PDE12: variants seen among roughly 807,000 people sequenced by gnomAD.
PDE12 encodes phosphodiesterase 12, also known as 2',5'-phosphodiesterase 12.
In PDE12, 26 loss-of-function variants were observed where a neutral mutation model predicts 45.4. That is an observed-to-expected ratio of 0.57 (90% CI 0.42 to 0.79). The LOEUF (loss-of-function observed/expected upper bound fraction) is 0.79, where lower values mean the gene tolerates loss of function less well. PDE12 is among the 30% of genes least tolerant of loss of function. The probability of loss-of-function intolerance (pLI) is 0.00; values close to 1 mark genes in which losing one functional copy is unlikely to be tolerated. For missense variants in PDE12, 668 were observed against 790.0 expected (o/e 0.85, Z 1.85); for synonymous variants, 283 against 323.9 (o/e 0.87, Z 1.36).
chr3:57,579,861 G>A, the PDE12 span, among the ~76,000 whole-genome samples: 1 of 152,066 alleles, frequency 6.6e-6, no homozygotes, highest in Non-Finnish European at 1.5e-5. Context: ...CACCACTTTG[G>A]GAGGCTGGGG....
chr3:57,568,575 A>T (rs1479027404), downstream of PDE12, among the ~76,000 whole-genome samples: 1 of 151,420 alleles, frequency 6.6e-6, no homozygotes, highest in Non-Finnish European at 1.5e-5. Context: ...TCCACAAAAG[A>T]TACACTTCTT....
the PDE12 span, among the ~76,000 whole-genome samples, chr3:57,593,785 T>TA: frequency 1.3e-5 from 2 of 152,090 alleles, no homozygotes. Flanking sequence ...CCTGTAACCC[T>TA]AGCACTTTTC....
chr3:57,597,341 G>A, the PDE12 span: 267 of 508,962 alleles, frequency 5.2e-4, no homozygotes, highest in Admixed American at 8.7e-4. Context: ...CCTGCTAGGC[G>A]ACTGGCGCGG....
rs1352917393 is a variant in PDE12, at chr3:57,565,917, A to G, written c.*5913A>G. The G allele has an allele frequency of 1.3e-5, 2 of 152,234 alleles. No individual in the cohort carries two copies. The highest frequency in any genetic ancestry group is 2.9e-5 in the Non-Finnish European group (2 of 68,042). The allele number at this position is 152,234 out of a possible 1,614,324, so 9.4% of individuals were successfully genotyped here. ...CAAAGATAAAATCAGTTAGAAATAA[A>G]CAGTGGCCTTCCTCAGAAAAGCTGG... On this transcript the variant is annotated 3_prime_UTR_variant, in exon 3 of 3. Transcript: ENST00000311180.
the PDE12 span, among the ~76,000 whole-genome samples, chr3:57,572,993 G>A: frequency 6.6e-6 from 1 of 151,846 alleles, no homozygotes; most frequent in African/African-American, 2.4e-5. Context: ...ATGAGGTCAG[G>A]AGATCGAGAC....
the PDE12 span, among the ~76,000 whole-genome samples, chr3:57,623,369 A>T: frequency 2.6e-5 from 4 of 152,034 alleles, no homozygotes; most frequent in Non-Finnish European, 4.4e-5. Context: ...CAAGTTTCCT[A>T]CTGAAGTATA....
chr3:57,634,510 C>T, the PDE12 span: 109 of 1,058,288 alleles, frequency 1.0e-4, 1 homozygote, highest in East Asian at 3.0e-3. Flanking sequence ...CTGGATATTA[C>T]ATACCTGAAC....
At chr3:57,604,626 T>TG in the PDE12 span, among the ~76,000 whole-genome samples, 10 of 32,020 alleles carry the variant, frequency 3.1e-4, 2 homozygotes, top group African/African-American at 1.6e-3. Context: ...TTGGGGGGGG[T>TG]GGGTGGGACA....
chr3:57,641,860 CT>C, the PDE12 span: 1 of 745,510 alleles, frequency 1.3e-6, no homozygotes, highest in Non-Finnish European at 2.1e-6. Context: ...TTGATTTTTC[CT>C]TTATTCAACA....
Position 57,559,665 on chromosome 3 carries a change from T to G in PDE12, c.1491T>G (p.Phe497Leu), listed in dbSNP as rs373447365. 6.2e-7 allele frequency: 1 copy of G among 1,614,210 alleles called. No homozygotes were observed. Among genetic ancestry groups the G allele is most frequent in the Admixed American group, 1.7e-5 (1 of 60,026 alleles). The change falls in exon 3 of 3, where the codon TTT (phenylalanine) becomes TTG (leucine). Residue 497 changes from phenylalanine to leucine, a missense_variant. By Grantham distance (22) the Phe-to-Leu change is conservative (BLOSUM62 0). Transcript: ENST00000311180. ...PGIPVIFCGD[F>L]NSTPSTGMYH... ...TACCAGTTATATTTTGTGGGGACTT[T>G]AATAGTACACCATCAACAGGAATGT...
the PDE12 span, among the ~76,000 whole-genome samples, chr3:57,616,783 G>A: frequency 6.6e-6 from 1 of 152,012 alleles, no homozygotes; most frequent in Non-Finnish European, 1.5e-5. Flanking sequence ...TAGCACTTTC[G>A]GAGGCCAAGG....
chr3:57,591,471 C>CTT, the PDE12 span, among the ~76,000 whole-genome samples: 27 of 142,136 alleles, frequency 1.9e-4, no homozygotes, highest in South Asian at 6.7e-4. Flanking sequence ...CTTTTCTTTT[C>CTT]TTTTTTTTTT....
chr3:57,571,822 T>G (rs1269344126), downstream of PDE12: 1 of 171,076 alleles, frequency 5.8e-6, no homozygotes, highest in Non-Finnish European at 1.3e-5. Flanking sequence ...GAATGCTACA[T>G]TTTTAAATTA....
the PDE12 span, chr3:57,597,010 G>T: frequency 6.4e-7 from 1 of 1,566,956 alleles, no homozygotes; most frequent in Admixed American, 1.7e-5. Context: ...AGGCCCAGAG[G>T]CCACCCCAAT....
downstream of PDE12, among the ~76,000 whole-genome samples, chr3:57,567,691 G>C (rs1179999801): frequency 6.6e-6 from 1 of 152,098 alleles, no homozygotes; most frequent in South Asian, 2.1e-4. Flanking sequence ...ATTCAATCTA[G>C]TTTTCATACT....
chr3:57,627,063 A>G, the PDE12 span: 1 of 152,222 alleles, frequency 6.6e-6, no homozygotes, highest in African/African-American at 2.4e-5. Context: ...GCTGATTATG[A>G]GATTTATAAT....
chr3:57,613,900 C>CAAAAAAAAA, the PDE12 span, among the ~76,000 whole-genome samples: 26 of 59,438 alleles, frequency 4.4e-4, no homozygotes, highest in Non-Finnish European at 5.5e-4. Context: ...GACTCCATCT[C>CAAAAAAAAA]AAAAAAAAAA....
the PDE12 span, chr3:57,641,726 T>C: frequency 1.2e-6 from 2 of 1,613,358 alleles, no homozygotes; most frequent in Non-Finnish European, 1.7e-6. Flanking sequence ...AAGGGTTGGT[T>C]ACTCCTAATA....
chr3:57,616,473 GGAAGAAGA>G, the PDE12 span, among the ~76,000 whole-genome samples: 1 of 149,116 alleles, frequency 6.7e-6, no homozygotes, highest in African/African-American at 2.5e-5. Context: ...GGAGAAAGAA[GGAAGAAGA>G]AAGAAGGAGG....
Sources: allele counts gnomAD v4.1 joint callset (sites outside exome capture counted in the v4.1 genomes callset), GRCh38; gene constraint gnomAD v4.1.1; transcripts MANE v1.5; gene names NCBI Gene and HGNC (gene_info 2026-07-23, HGNC 2026-07-21).